PRSS55: variants seen among roughly 807,000 people sequenced by gnomAD.
The protein encoded by PRSS55 is serine protease 55.
In PRSS55, 41 loss-of-function variants were observed where a neutral mutation model predicts 23.6. That is an observed-to-expected ratio of 1.74 (90% CI 1.35 to 2.26). PRSS55 has a LOEUF of 2.26. Among genes scored for constraint, PRSS55 ranks in the 30% most tolerant of loss-of-function variants. The pLI, the probability that PRSS55 is intolerant of heterozygous loss-of-function variation, is 0.00. For synonymous variants in PRSS55, 262 were observed against 175.5 expected (o/e 1.49, Z -3.90); for missense variants, 669 against 439.1 (o/e 1.52, Z -4.68).
chr8:10,538,936 G>A, downstream of PRSS55: 1 of 765,122 alleles, frequency 1.3e-6, no homozygotes, highest in Non-Finnish European at 2.0e-6. Context: ...TGGGTCCCTG[G>A]TTTGGGGACT....
downstream of PRSS55, among the ~76,000 whole-genome samples, chr8:10,542,419 G>GGGAAAA (rs60800512): frequency 2.2e-5 from 3 of 133,524 alleles, no homozygotes; most frequent in Non-Finnish European, 3.1e-5. Context: ...CCATGCGGGG[G>GGGAAAA]AAAAAAAAAA....
At chr8:10,531,688 T>A in intron 3 of PRSS55, 143 bp downstream of exon 3, 11 of 1,239,056 alleles carry the variant, frequency 8.9e-6, no homozygotes, top group Non-Finnish European at 1.2e-5. Flanking sequence ...AAAGTTTAGC[T>A]CCTTTTGGGT....
intron 4 of PRSS55, among the ~76,000 whole-genome samples, chr8:10,536,562 T>C (rs1235690257): frequency 6.6e-6 from 1 of 152,192 alleles, no homozygotes; most frequent in African/African-American, 2.4e-5. Flanking sequence ...GACACATGCA[T>C]GCATATGTTC....
rs932558746 is a variant in PRSS55 at position 10,531,302 on chromosome 8, G to C, written c.355G>C (p.Glu119Gln). 6.2e-7 allele frequency: 1 copy of C among 1,613,970 alleles called. No homozygotes were observed. The highest frequency in any genetic ancestry group is 1.3e-5 in the African/African-American group (1 of 75,032). The change falls in exon 3 of 5, where the codon GAA becomes CAA. Residue 119 changes from glutamate to glutamine, a missense_variant. By Grantham distance (29) the Glu-to-Gln change is conservative. Transcript: ENST00000328655. ...CTGGTTCTCTGCCACCAGTCCAGAA[G>C]AACTGAGTGTCGTGCTGGGGACCAA... ...CLYSEELFPE[E>Q]LSVVLGTNDL...
At chr8:10,545,720 G>C (rs911713845) in intron 4 of PRSS55, among the ~76,000 whole-genome samples, 1 of 152,170 alleles carries the variant, frequency 6.6e-6, no homozygotes, top group African/African-American at 2.4e-5. Flanking sequence ...CGTTTGAATT[G>C]AGACTGTAGA....
rs1297908885 is a variant in PRSS55 at position 10,554,164 on chromosome 8, T to A, written c.*132T>A. 3 of 551,122 alleles carry A rather than the reference T, an allele frequency of 5.4e-6. No individual in the cohort carries two copies. In the African/African-American group the frequency reaches 5.7e-5, roughly 10 times the overall value. The allele number at this position is 551,122 out of a possible 1,614,324, so 34.1% of individuals were successfully genotyped here. ...GAAAAAATGAATAAAAGCCTCCCCA[T>A]TTTCATGATGCTTATGCTTTGTGAT... On this transcript the variant is annotated 3_prime_UTR_variant, in exon 5 of 5. Transcript: ENST00000522210.
chr8:10,532,742 A>G (rs1022074912), intron 3 of PRSS55, among the ~76,000 whole-genome samples, 164 bp from the exon 4 acceptor site: 5 of 151,898 alleles, frequency 3.3e-5, no homozygotes, highest in African/African-American at 1.2e-4. Flanking sequence ...GGAGTGGGTA[A>G]GTTGCAGGCA....
At chr8:10,533,381 A>C (rs1812341980) in intron 4 of PRSS55, among the ~76,000 whole-genome samples, 1 of 152,216 alleles carries the variant, frequency 6.6e-6, no homozygotes, top group Non-Finnish European at 1.5e-5. Flanking sequence ...AAGTCATTTT[A>C]GTTCATTAAC....
At chr8:10,529,445 C>T (rs1168645615) in intron 1 of PRSS55, 62 bp from the exon 2 acceptor site, 2 of 1,541,920 alleles carry the variant, frequency 1.3e-6, no homozygotes, top group Non-Finnish European at 1.8e-6. Context: ...CGGTCCCCAG[C>T]TCACACTGGA....
chr8:10,525,792 G>A (rs529057881), intron 1 of PRSS55, 53 bp downstream of exon 1: 4 of 1,522,326 alleles, frequency 2.6e-6, no homozygotes, highest in South Asian at 2.5e-5. Flanking sequence ...CCAGCTGACT[G>A]GCTGCCAGGA....
At chr8:10,531,776 G>A in intron 3 of PRSS55, 2 of 573,722 alleles carry the variant, frequency 3.5e-6, no homozygotes, top group East Asian at 5.8e-5. Context: ...AGAGCAGTGT[G>A]GTTTGTGTGT....
chr8:10,552,809 C>T lies in PRSS55; in HGVS notation c.742-1134C>T, dbSNP rs150272107. On this transcript the variant is annotated intron_variant, in intron 4 of 4. Transcript: ENST00000522210. The stretch of plus-strand genomic sequence containing the variant: ...GTGTGGAGAAAGGGGAATGTTTGTA[C>T]TCCATTGGTAGGAATGTAAATTAAT... Among the ~76,000 whole-genome samples the T allele has an allele frequency of 3.1e-3, 472 of 152,304 alleles. 2 individuals carry two copies. The highest frequency in any genetic ancestry group is 9.8e-3 in the African/African-American group (409 of 41,558).
intron 4 of PRSS55, among the ~76,000 whole-genome samples, chr8:10,548,487 G>A (rs561988016): frequency 1.5e-3 from 222 of 152,248 alleles, no homozygotes; most frequent in African/African-American, 5.1e-3. Context: ...CATCCGATGG[G>A]CTGTGGCACC....
chr8:10,551,204 G>A (rs1030238782), intron 4 of PRSS55, among the ~76,000 whole-genome samples: 3 of 152,194 alleles, frequency 2.0e-5, no homozygotes, highest in Non-Finnish European at 4.4e-5. Context: ...AGGTTGAAAG[G>A]CACAGGAAGC....
chr8:10,546,674 G>A (rs144010743), intron 4 of PRSS55, among the ~76,000 whole-genome samples: 1 of 152,010 alleles, frequency 6.6e-6, no homozygotes, highest in East Asian at 1.9e-4. Context: ...GCCTCCTCTT[G>A]ACAAACAAAA....
At chr8:10,548,703 G>A (rs1308287798) in intron 4 of PRSS55, among the ~76,000 whole-genome samples, 1 of 152,226 alleles carries the variant, frequency 6.6e-6, no homozygotes, top group African/African-American at 2.4e-5. Flanking sequence ...GTGGGACCCG[G>A]CAGCATGAGG....
downstream of PRSS55, among the ~76,000 whole-genome samples, chr8:10,539,536 T>G (rs4077605): frequency 0.28 from 42,232 of 152,156 alleles, 6,761 homozygotes; most frequent in South Asian, 0.46. Flanking sequence ...ATGTCCCCAC[T>G]CAAATCTCAT....
At chr8:10,541,641 C>G (rs1812659427), downstream of PRSS55, 1 of 137,530 alleles carries the variant, frequency 7.3e-6, no homozygotes, top group Non-Finnish European at 1.5e-5. Flanking sequence ...TGTATCAGCT[C>G]TATCTATCTA....
At chr8:10,543,471 TC>T (rs1812725100), downstream of PRSS55, among the ~76,000 whole-genome samples, 9 of 29,114 alleles carry the variant, frequency 3.1e-4, no homozygotes, top group Admixed American at 3.2e-3. Flanking sequence ...TTCCTTTCTT[TC>T]TTTCTCTCTT....
Sources: gnomAD v4.1 joint callset for allele counts (sites outside exome capture counted in the v4.1 genomes callset) on GRCh38, gnomAD v4.1.1 for gene constraint, MANE v1.5 for transcripts, NCBI Gene and HGNC (gene_info 2026-07-23, HGNC 2026-07-21) for gene names.